MAGI2: variants seen among roughly 807,000 people sequenced by gnomAD.
The protein encoded by MAGI2 is membrane associated guanylate kinase, WW and PDZ domain containing 2, also known as membrane-associated guanylate kinase, WW and PDZ domain-containing protein 2.
A neutral mutation model predicts 133.3 loss-of-function variants in MAGI2; 35 were observed. The observed-to-expected ratio is 0.26, with a 90% CI of 0.20 to 0.35. The LOEUF is 0.35. Ranked by LOEUF, MAGI2 falls within the 10% of genes least tolerant of loss-of-function variation. The probability of loss-of-function intolerance (pLI) is 1.00; values close to 1 mark genes in which losing one functional copy is unlikely to be tolerated. For missense variants in MAGI2, 1,636 were observed against 1,863.4 expected (o/e 0.88, Z 2.25); for synonymous variants, 729 against 710.6 (o/e 1.03, Z -0.41).
intron 6 of MAGI2, among the ~76,000 whole-genome samples, chr7:78,414,247 C>A (rs964033322): frequency 2.0e-5 from 3 of 151,404 alleles, no homozygotes; most frequent in Non-Finnish European, 2.9e-5. Context: ...TGACATTGCA[C>A]GAAATATTTA....
chr7:79,196,992 G>C (rs1828146438), intron 1 of MAGI2, among the ~76,000 whole-genome samples: 1 of 151,792 alleles, frequency 6.6e-6, no homozygotes, highest in Non-Finnish European at 1.5e-5. Flanking sequence ...TGTTGCTCTA[G>C]CTAGTCTTGA....
At position 78,017,882 on chromosome 7, in the gene MAGI2, C is replaced by A. The variant is rs12055888; in HGVS notation, c.*1433G>T. On this transcript the variant is annotated 3_prime_UTR_variant, in exon 22 of 22. Coordinates refer to ENST00000354212, the MANE Select transcript of MAGI2 (RefSeq NM_012301.4). ...GGTGGAGCTTATTTGCATTTGAACT[C>A]CTGTAAAGAGTAAGAATATGGAAAG... The A allele has an allele frequency of 0.1, 15,954 of 152,210 alleles. 917 individuals carry two copies. Among genetic ancestry groups the A allele is most frequent in the East Asian group, 0.17 (860 of 5,174 alleles). The allele number at this position is 152,210 out of a possible 1,614,324, so 9.4% of individuals were successfully genotyped here. A position where few individuals can be genotyped will look rare whatever the true frequency, so the allele number is the denominator to read the frequency against.
intron 9 of MAGI2, among the ~76,000 whole-genome samples, chr7:78,282,454 G>T (rs1365231754): frequency 6.6e-6 from 1 of 152,086 alleles, no homozygotes. Flanking sequence ...CCTGTGAATG[G>T]TTTTGTGCTA....
intron 2 of MAGI2, among the ~76,000 whole-genome samples, chr7:79,000,733 G>C (rs1397626038): frequency 6.6e-6 from 1 of 152,152 alleles, no homozygotes; most frequent in African/African-American, 2.4e-5. Flanking sequence ...AGATATATTA[G>C]AAACTTTACA....
At chr7:79,445,814 G>C (rs549889867) in intron 1 of MAGI2, among the ~76,000 whole-genome samples, 1 of 152,282 alleles carries the variant, frequency 6.6e-6, no homozygotes, top group South Asian at 2.1e-4. Flanking sequence ...TCCAATTACT[G>C]GGTATATACC....
chr7:78,041,368 T>A (rs7783298), intron 21 of MAGI2, among the ~76,000 whole-genome samples: 107,938 of 151,820 alleles, frequency 0.71, 39,088 homozygotes, highest in African/African-American at 0.85. Flanking sequence ...AAGGCTGCTC[T>A]CTCAGGCTCC....
At chr7:79,136,088 A>AGAAAGAAAGAAAGAAG (rs1821508859) in intron 1 of MAGI2, among the ~76,000 whole-genome samples, 5 of 146,612 alleles carry the variant, frequency 3.4e-5, no homozygotes, top group African/African-American at 1.3e-4. Flanking sequence ...AAAGAAAGAA[A>AGAAAGAAAGAAAGAAG]GAAAGAAAGA....
At chr7:78,708,454 A>G (rs16886281) in intron 2 of MAGI2, among the ~76,000 whole-genome samples, 2,343 of 152,282 alleles carry the variant, frequency 0.015, 55 homozygotes, top group African/African-American at 0.055. Flanking sequence ...GTAAATTGGC[A>G]AAGCACAGTA....
rs1190035294 is a variant in MAGI2, at chr7:78,772,782, A to C, written c.419-145543T>G. 2.0e-5 allele frequency among the ~76,000 whole-genome samples: 3 copies of C among 152,246 alleles called. 1 individual carries two copies. Among genetic ancestry groups the C allele is most frequent in the South Asian group, 4.1e-4 (2 of 4,830 alleles). ...GTTTGTGCTACAAAAATTGGCACCA[A>C]AACATTGGACAATAAAAAAATCTTC... On this transcript the variant is annotated intron_variant, in intron 2 of 21. Coordinates refer to ENST00000354212, the MANE Select transcript of MAGI2 (RefSeq NM_012301.4).
chr7:78,344,097 G>A (rs1161797582), intron 8 of MAGI2, 137 bp from the exon 9 acceptor site: 1 of 663,660 alleles, frequency 1.5e-6, no homozygotes, highest in African/African-American at 1.9e-5. Flanking sequence ...GCAAGCAGGT[G>A]GTGACTGCAA....
chr7:79,418,802 T>TG lies in MAGI2; in HGVS notation c.301+34217dup, dbSNP rs1378971939. The stretch of plus-strand genomic sequence containing the variant: ...CCTCTAGGTTTATTAGCCCCAACAA[T>TG]GAAAAAAAAAGCAAGTTCCAATACA... On this transcript the variant is annotated intron_variant, in intron 1 of 21. Coordinates refer to ENST00000354212, the MANE Select transcript of MAGI2 (RefSeq NM_012301.4). Among the ~76,000 whole-genome samples the TG allele has an allele frequency of 2.2e-5, 3 of 136,966 alleles. No individual in the cohort carries two copies. In the South Asian group the frequency reaches 6.8e-4, roughly 31 times the overall value. The allele number at this position is 136,966 out of a possible 152,430, so 89.9% of individuals were successfully genotyped here. A position where few individuals can be genotyped will look rare whatever the true frequency, so the allele number is the denominator to read the frequency against.
At chr7:78,752,754 A>G (rs1001766057) in intron 2 of MAGI2, among the ~76,000 whole-genome samples, 1 of 152,214 alleles carries the variant, frequency 6.6e-6, no homozygotes, top group African/African-American at 2.4e-5. Context: ...ATGCCAGGCT[A>G]GCTCCCAGCT....
chr7:78,430,240 CTTTTTTTTTTTTT>C (rs545809101), intron 6 of MAGI2, among the ~76,000 whole-genome samples: 1 of 76,646 alleles, frequency 1.3e-5, no homozygotes, highest in Non-Finnish European at 2.4e-5. Flanking sequence ...CTGGAAAAGC[CTTTTTTTTTTTTT>C]TTTTTTTTTT....
chr7:79,229,084 ATT>A (rs532480584), intron 1 of MAGI2, among the ~76,000 whole-genome samples: 5 of 145,584 alleles, frequency 3.4e-5, no homozygotes, highest in Non-Finnish European at 7.6e-5. Context: ...TACGACAATG[ATT>A]TTTTTTTTTT....
chr7:79,300,060 G>A (rs1609274), intron 1 of MAGI2, among the ~76,000 whole-genome samples: 141,744 of 152,200 alleles, frequency 0.93, 66,367 homozygotes, highest in Non-Finnish European at 0.98. Context: ...AAATTACCCA[G>A]TGTCAGGTAT....
At chr7:78,536,572 A>T (rs2150648878) in intron 3 of MAGI2, among the ~76,000 whole-genome samples, 1 of 152,222 alleles carries the variant, frequency 6.6e-6, no homozygotes, top group South Asian at 2.1e-4. Flanking sequence ...AAAAACAGAA[A>T]ACAGAGTAAT....
chr7:79,385,199 C>T (rs560276310), intron 1 of MAGI2, among the ~76,000 whole-genome samples: 2 of 151,630 alleles, frequency 1.3e-5, no homozygotes, highest in South Asian at 2.1e-4. Context: ...GACTAGAAGG[C>T]GGTAAGGTGA....
At chr7:78,605,806 G>A (rs1464413513) in intron 3 of MAGI2, among the ~76,000 whole-genome samples, 1 of 152,154 alleles carries the variant, frequency 6.6e-6, no homozygotes, top group Non-Finnish European at 1.5e-5. Flanking sequence ...TTTTCAGTGG[G>A]GCGTGGGGCC....
intron 1 of MAGI2, chr7:79,343,323 T>C (rs559125399): frequency 2.0e-5 from 3 of 152,220 alleles, no homozygotes; most frequent in Non-Finnish European, 4.4e-5. Flanking sequence ...GCCATACTAA[T>C]CTTCTGGGTA....
Sources: gnomAD v4.1 joint callset for allele counts (sites outside exome capture counted in the v4.1 genomes callset) on GRCh38, gnomAD v4.1.1 for gene constraint, MANE v1.5 for transcripts, NCBI Gene and HGNC (gene_info 2026-07-23, HGNC 2026-07-21) for gene names.